NCKAP5: variants seen among roughly 807,000 people sequenced by gnomAD.
NCKAP5 encodes NCK associated protein 5, also known as nck-associated protein 5.
A neutral mutation model predicts 167.0 loss-of-function variants in NCKAP5; 92 were observed. The ratio of observed to expected loss-of-function variants is 0.55; its 90% CI spans 0.47 to 0.66. The LOEUF is 0.66. Ranked by LOEUF, NCKAP5 falls within the 30% of genes least tolerant of loss-of-function variation. The pLI is 0.00. For synonymous variants in NCKAP5, 891 were observed against 877.4 expected (o/e 1.02, Z -0.27); for missense variants, 2,378 against 2,315.0 (o/e 1.03, Z -0.56).
chr2:133,393,015 G>A (rs1687515546), intron 3 of NCKAP5, among the ~76,000 whole-genome samples: 2 of 152,156 alleles, frequency 1.3e-5, no homozygotes. Flanking sequence ...ACAGAAGCCA[G>A]GATACGCAAC....
At position 133,175,310 on chromosome 2, in the gene NCKAP5, C is replaced by A. The variant is rs543672192; in HGVS notation, c.207+38406G>T. On this transcript the variant is annotated intron_variant, in intron 5 of 19. Coordinates refer to ENST00000409261, the MANE Select transcript of NCKAP5 (RefSeq NM_207363.3). ...TACACATTTTTTTGCCCTAGTTTGT[C>A]TGTTGTCTTTTGACTTTATAGTATT... Among the ~76,000 whole-genome samples the A allele has an allele frequency of 8.5e-4, 130 of 152,154 alleles. 2 individuals are homozygous for A. In the South Asian group the frequency reaches 0.026, roughly 31 times the overall value.
At chr2:132,809,937 A>G (rs2105258021) in intron 11 of NCKAP5, among the ~76,000 whole-genome samples, 1 of 152,248 alleles carries the variant, frequency 6.6e-6, no homozygotes, top group South Asian at 2.1e-4. Flanking sequence ...ATTTGTTTCA[A>G]GATTTAGAGC....
chr2:132,817,030 TG>T (rs1467659257), intron 11 of NCKAP5, among the ~76,000 whole-genome samples: 1 of 152,212 alleles, frequency 6.6e-6, no homozygotes, highest in African/African-American at 2.4e-5. Context: ...CACGTGGTAC[TG>T]GTAACACATA....
intron 19 of NCKAP5, among the ~76,000 whole-genome samples, chr2:132,721,495 C>A (rs1689925896): frequency 6.6e-6 from 1 of 152,060 alleles, no homozygotes; most frequent in Non-Finnish European, 1.5e-5. Flanking sequence ...GTGGGACGGC[C>A]AATCTCCTTT....
At chr2:132,936,769 C>A (rs896262691) in intron 8 of NCKAP5, among the ~76,000 whole-genome samples, 1 of 151,928 alleles carries the variant, frequency 6.6e-6, no homozygotes, top group African/African-American at 2.4e-5. Context: ...GTATTTTTTT[C>A]TTTTACTTTT....
At chr2:132,723,140 A>ATTTTTTTTTT (rs869234028) in intron 19 of NCKAP5, among the ~76,000 whole-genome samples, 1 of 93,438 alleles carries the variant, frequency 1.1e-5, no homozygotes, top group African/African-American at 4.5e-5. Context: ...GCCAGGTGGT[A>ATTTTTTTTTT]TTTTTTTTTT....
intron 6 of NCKAP5, among the ~76,000 whole-genome samples, chr2:133,097,662 AG>A (rs2081384330): frequency 1.3e-5 from 2 of 152,218 alleles, no homozygotes; most frequent in Admixed American, 1.3e-4. Context: ...AAACTAAAGG[AG>A]GCTAAAGACA....
At chr2:133,276,317 A>T (rs2089729394) in intron 4 of NCKAP5, among the ~76,000 whole-genome samples, 1 of 152,144 alleles carries the variant, frequency 6.6e-6, no homozygotes, top group African/African-American at 2.4e-5. Context: ...GTCAAATGTT[A>T]TTCAGGGAAT....
At chr2:133,146,988 T>C (rs1201312548) in intron 5 of NCKAP5, among the ~76,000 whole-genome samples, 2 of 152,168 alleles carry the variant, frequency 1.3e-5, no homozygotes, top group Non-Finnish European at 2.9e-5. Flanking sequence ...GGGTGATATT[T>C]CCTGTCAACA....
At chr2:132,711,268 G>C (rs2105320763) in intron 19 of NCKAP5, among the ~76,000 whole-genome samples, 1 of 152,266 alleles carries the variant, frequency 6.6e-6, no homozygotes, top group Non-Finnish European at 1.5e-5. Flanking sequence ...AAAATGTCTG[G>C]GTTGATTGCC....
At chr2:133,616,154 G>T in the NCKAP5 span, among the ~76,000 whole-genome samples, 1 of 151,730 alleles carries the variant, frequency 6.6e-6, no homozygotes, top group Non-Finnish European at 1.5e-5. Context: ...TCAAAGCAGT[G>T]TGTAGAGGGA....
At chr2:133,046,945 C>G (rs1210045917) in intron 6 of NCKAP5, among the ~76,000 whole-genome samples, 1 of 142,068 alleles carries the variant, frequency 7.0e-6, no homozygotes, top group Non-Finnish European at 1.6e-5. Context: ...TTGGTTCTAT[C>G]TCCACAATCC....
At chr2:132,959,968 A>G (rs926481767) in intron 8 of NCKAP5, among the ~76,000 whole-genome samples, 1 of 152,120 alleles carries the variant, frequency 6.6e-6, no homozygotes, top group Non-Finnish European at 1.5e-5. Context: ...ACCAATATAC[A>G]CCAAGTGATT....
chr2:133,174,096 T>C (rs1202993794), intron 5 of NCKAP5, among the ~76,000 whole-genome samples: 2 of 152,196 alleles, frequency 1.3e-5, no homozygotes, highest in African/African-American at 4.8e-5. Flanking sequence ...CAGCATCCTA[T>C]CCAGAATCCC....
At chr2:133,226,509 C>A (rs1289236513) in intron 4 of NCKAP5, among the ~76,000 whole-genome samples, 1 of 151,364 alleles carries the variant, frequency 6.6e-6, no homozygotes, top group Non-Finnish European at 1.5e-5. Flanking sequence ...GAGATAGGGG[C>A]CTTTACAGAG....
intron 6 of NCKAP5, among the ~76,000 whole-genome samples, chr2:133,124,116 TAA>T (rs2149772515): frequency 6.6e-6 from 1 of 152,182 alleles, no homozygotes; most frequent in Admixed American, 6.5e-5. Context: ...TTACAGTAAG[TAA>T]AGAAATAGCT....
At chr2:132,677,798 A>C (rs1684689730) in intron 19 of NCKAP5, among the ~76,000 whole-genome samples, 1 of 152,076 alleles carries the variant, frequency 6.6e-6, no homozygotes, top group Non-Finnish European at 1.5e-5. Flanking sequence ...CAGCCCGTAC[A>C]TGGGTTATAA....
intron 4 of NCKAP5, among the ~76,000 whole-genome samples, chr2:133,259,342 G>A (rs1013165371): frequency 5.3e-5 from 8 of 152,028 alleles, no homozygotes; most frequent in African/African-American, 1.9e-4. Context: ...TTCCTTGAAG[G>A]CATTTGTATT....
chr2:132,940,300 A>C (rs1181711716), intron 8 of NCKAP5, among the ~76,000 whole-genome samples: 3 of 152,146 alleles, frequency 2.0e-5, no homozygotes, highest in Non-Finnish European at 4.4e-5. Context: ...AGAGCTCATA[A>C]TGGGCTTGAG....
Sources: gnomAD v4.1 joint callset for allele counts (sites outside exome capture counted in the v4.1 genomes callset) on GRCh38, gnomAD v4.1.1 for gene constraint, MANE v1.5 for transcripts, NCBI Gene and HGNC (gene_info 2026-07-23, HGNC 2026-07-21) for gene names.